Variants in NAV2 observed in about 807,000 individuals in gnomAD.
NAV2 encodes the protein neuron navigator 2, also known as helicase, APC down-regulated 1.
NAV2 carries 54 observed loss-of-function variants against 223.2 expected under a neutral mutation model. The ratio of observed to expected loss-of-function variants is 0.24; its 90% CI spans 0.19 to 0.30. The LOEUF (loss-of-function observed/expected upper bound fraction) is 0.30. Ranked by LOEUF, NAV2 falls within the 10% of genes least tolerant of loss-of-function variation. NAV2 has a pLI of 1.00. For synonymous variants in NAV2, 1,279 were observed against 1,239.3 expected (o/e 1.03, Z -0.67); for missense variants, 2,806 against 3,147.5 (o/e 0.89, Z 2.60).
chr11:19,686,557 C>T (rs558382694), intron 1 of NAV2, among the ~76,000 whole-genome samples: 74 of 152,346 alleles, frequency 4.9e-4, no homozygotes, highest in Non-Finnish European at 9.4e-4. Context: ...GCATTCATCA[C>T]AGTCTCCTCT....
chr11:19,586,392 C>T (rs1217925425), intron 1 of NAV2, among the ~76,000 whole-genome samples: 1 of 152,202 alleles, frequency 6.6e-6, no homozygotes, highest in Non-Finnish European at 1.5e-5. Flanking sequence ...CAAAGTCATT[C>T]TCCGTCCAGC....
intron 11 of NAV2, among the ~76,000 whole-genome samples, chr11:20,030,928 T>C (rs968940288): frequency 2.6e-5 from 4 of 152,248 alleles, no homozygotes; most frequent in Admixed American, 6.5e-5. Flanking sequence ...ATTAACCCAA[T>C]GATCACAAAG....
intron 1 of NAV2, among the ~76,000 whole-genome samples, chr11:19,632,938 C>T (rs560093237): frequency 6.6e-6 from 1 of 152,354 alleles, no homozygotes; most frequent in Admixed American, 6.5e-5. Context: ...GAAACTGAAG[C>T]CCAAAGAGTT....
At chr11:19,551,696 C>G (rs181610150) in intron 1 of NAV2, among the ~76,000 whole-genome samples, 69 of 152,254 alleles carry the variant, frequency 4.5e-4, no homozygotes, top group African/African-American at 1.5e-3. Context: ...GAAACCCAGC[C>G]ACGTCCTGCT....
At chr11:19,469,050 C>A (rs962994421) in intron 1 of NAV2, among the ~76,000 whole-genome samples, 90 of 152,280 alleles carry the variant, frequency 5.9e-4, no homozygotes, top group Middle Eastern at 3.4e-3. Flanking sequence ...TGGAATGCAC[C>A]TAGCATAGTA....
rs900414130 is a variant in NAV2, at chr11:19,588,947, G to T, written c.75+237920G>T. On this transcript the variant is annotated intron_variant, in intron 1 of 37. Coordinates refer to the NAV2 transcript ENST00000360655. ...TGAACTCAATGGGCAATTGGTAGATGGCTGGGGTTCTCCTAGGCCTCTGGG... is the reference window on the plus strand; with the variant it reads ...TGAACTCAATGGGCAATTGGTAGATTGCTGGGGTTCTCCTAGGCCTCTGGG... Among the ~76,000 whole-genome samples the T allele has an allele frequency of 1.1e-4, 16 of 152,308 alleles. No individual in the cohort carries two copies. The East Asian group carries it at 2.9e-3, about 28-fold the overall frequency.
intron 1 of NAV2, among the ~76,000 whole-genome samples, chr11:19,564,753 C>G (rs1453526015): frequency 6.6e-6 from 1 of 152,228 alleles, no homozygotes; most frequent in Non-Finnish European, 1.5e-5. Flanking sequence ...ACCGGGCTCC[C>G]CAGGAGCATG....
chr11:19,661,682 GTTA>G lies in NAV2; in HGVS notation c.76-170797_76-170795del, dbSNP rs923036208. 1.4e-3 allele frequency among the ~76,000 whole-genome samples: 212 copies of G among 152,320 alleles called. 4 individuals are homozygous for G. The highest frequency in any genetic ancestry group is 4.8e-3 in the African/African-American group (201 of 41,578). On this transcript the variant is annotated intron_variant, in intron 1 of 37. Coordinates refer to the NAV2 transcript ENST00000360655. ...GAGGAAATTGTGCCCAGTGTGGACAGTTATTATGATACTAAATAAGAGAACAAG... is the reference window on the plus strand; with the variant it reads ...GAGGAAATTGTGCCCAGTGTGGACAGTTATGATACTAAATAAGAGAACAAG...
At chr11:20,093,010 C>T (rs983587807) in intron 28 of NAV2, 89 bp from the exon 29 acceptor site, 28 of 611,258 alleles carry the variant, frequency 4.6e-5, no homozygotes, top group Middle Eastern at 7.8e-4. Flanking sequence ...CTGTTTGTCC[C>T]GCTGCTGTGC....
chr11:19,385,555 T>C (rs1849003123), intron 1 of NAV2, among the ~76,000 whole-genome samples: 1 of 152,216 alleles, frequency 6.6e-6, no homozygotes, highest in Admixed American at 6.5e-5. Context: ...GATTGAAGTC[T>C]TGAGGCACCT....
chr11:19,478,867 C>T (rs1027773276), intron 1 of NAV2, among the ~76,000 whole-genome samples: 2 of 152,204 alleles, frequency 1.3e-5, no homozygotes, highest in Non-Finnish European at 2.9e-5. Context: ...AGAAACGAGG[C>T]TTTCCCCCTA....
intron 1 of NAV2, among the ~76,000 whole-genome samples, chr11:19,719,467 T>C (rs532668452): frequency 6.6e-6 from 1 of 152,266 alleles, no homozygotes; most frequent in South Asian, 2.1e-4. Flanking sequence ...TTTGTCATCT[T>C]TGAAGCAGAA....
intron 1 of NAV2, among the ~76,000 whole-genome samples, chr11:19,439,390 A>G (rs1416749300): frequency 2.6e-5 from 4 of 152,196 alleles, no homozygotes; most frequent in Admixed American, 2.6e-4. Flanking sequence ...ATTTTGTACA[A>G]CAAACCTCCT....
rs1448076105 is a variant in NAV2 at position 19,969,528 on chromosome 11, G to A, written c.2646-14597G>A. Among the ~76,000 whole-genome samples the A allele has an allele frequency of 3.3e-5, 5 of 152,106 alleles. No homozygotes were observed. In the East Asian group the frequency reaches 9.6e-4, roughly 29 times the overall value. On this transcript the variant is annotated intron_variant, in intron 10 of 37. Coordinates refer to ENST00000349880, the MANE Select transcript of NAV2 (RefSeq NM_145117.5). ...CTTTTCCATAGGAGATATATTCCAA[G>A]ACCCTCGGTGGATGCCTGAAACTGC... is the stretch of plus-strand genomic sequence containing the variant.
At chr11:19,512,319 A>G (rs1166104193) in intron 1 of NAV2, among the ~76,000 whole-genome samples, 2 of 152,182 alleles carry the variant, frequency 1.3e-5, no homozygotes, top group East Asian at 3.9e-4. Context: ...TCTTGGGAAG[A>G]TTCTGGGTAC....
intron 1 of NAV2, among the ~76,000 whole-genome samples, chr11:19,515,494 T>A (rs1002760116): frequency 6.6e-6 from 1 of 152,242 alleles, no homozygotes; most frequent in African/African-American, 2.4e-5. Context: ...AAAAGAAATT[T>A]AAAATTCTAC....
chr11:19,945,396 C>T (rs1232432049), intron 8 of NAV2, among the ~76,000 whole-genome samples: 3 of 150,694 alleles, frequency 2.0e-5, no homozygotes, highest in South Asian at 4.2e-4. Flanking sequence ...TCCTCTTTTC[C>T]TCCCTTCACT....
At position 19,984,178 on chromosome 11, in the gene NAV2, C is replaced by T; in HGVS notation, c.2699C>T (p.Pro900Leu). Residue 900 changes from proline (P) to leucine (L), a missense_variant, in exon 11 of 38, where the codon CCT becomes CTT. By Grantham distance (98) the Pro-to-Leu change is moderately conservative. Around this residue, in one of 4 missense-constraint regions of NAV2, gnomAD observed 1,167 missense variants for 1,180.5 expected, o/e 0.99. Transcript: ENST00000349880. ...GLYTRRLNRL[P>L]DGMAVVRETL... ...TATACCCGTCGCCTGAACCGGCTCC[C>T]TGATGGGATGGCTGTGGTACGGGAG... is the stretch of plus-strand genomic sequence containing the variant. 1.2e-6 allele frequency: 2 copies of T among 1,614,190 alleles called. No individual in the cohort carries two copies. The highest frequency in any genetic ancestry group is 1.7e-6 in the Non-Finnish European group (2 of 1,180,018).
At chr11:19,968,425 G>A (rs778516380) in intron 10 of NAV2, among the ~76,000 whole-genome samples, 1 of 151,982 alleles carries the variant, frequency 6.6e-6, no homozygotes, top group Non-Finnish European at 1.5e-5. Flanking sequence ...TCACCATGTT[G>A]GCCAGGCTGG....
Sources: gnomAD v4.1 joint callset for allele counts (sites outside exome capture counted in the v4.1 genomes callset) on GRCh38, gnomAD v4.1.1 for gene constraint, gnomAD v4.1.1 regional missense constraint, MANE v1.5 for transcripts, NCBI Gene and HGNC (gene_info 2026-07-23, HGNC 2026-07-21) for gene names.